The following COL24A1 variants were observed in gnomAD, a reference collection of about 807,000 sequenced individuals.
The protein encoded by COL24A1 is collagen alpha-1(XXIV) chain.
A neutral mutation model predicts 253.9 loss-of-function variants in COL24A1; 224 were observed. The observed-to-expected ratio is 0.88, with a 90% CI of 0.79 to 0.99. The LOEUF (loss-of-function observed/expected upper bound fraction) is 0.99, where lower values mean the gene tolerates loss of function less well. COL24A1 is among the 50% of genes least tolerant of loss of function. COL24A1 has a pLI of 0.00. For synonymous variants in COL24A1, 685 were observed against 673.7 expected (o/e 1.02, Z -0.26); for missense variants, 2,131 against 2,068.5 (o/e 1.03, Z -0.59).
chr1:85,878,953 A>T (rs1293710027), intron 32 of COL24A1, among the ~76,000 whole-genome samples: 1 of 150,976 alleles, frequency 6.6e-6, no homozygotes, highest in Non-Finnish European at 1.5e-5. Flanking sequence ...TTGAGTTTTA[A>T]TTTTTTTTTC....
At chr1:86,012,298 T>C (rs1696571063) in intron 19 of COL24A1, among the ~76,000 whole-genome samples, 1 of 152,144 alleles carries the variant, frequency 6.6e-6, no homozygotes, top group African/African-American at 2.4e-5. Flanking sequence ...CCTTAAATCA[T>C]TGCCCTACTG....
At chr1:85,773,757 A>C (rs1306342754) in intron 53 of COL24A1, among the ~76,000 whole-genome samples, 1 of 152,176 alleles carries the variant, frequency 6.6e-6, no homozygotes, top group African/African-American at 2.4e-5. Flanking sequence ...TTATCAGCTT[A>C]AGGAGATTTG....
chr1:86,134,155 C>A (rs1649811650), intron 2 of COL24A1, among the ~76,000 whole-genome samples: 1 of 151,552 alleles, frequency 6.6e-6, no homozygotes, highest in Non-Finnish European at 1.5e-5. Flanking sequence ...TTATAGTATT[C>A]TCTGATGGTA....
At chr1:86,071,014 AAAT>A (rs1701837726) in intron 7 of COL24A1, among the ~76,000 whole-genome samples, 1 of 152,184 alleles carries the variant, frequency 6.6e-6, no homozygotes, top group African/African-American at 2.4e-5. Flanking sequence ...AACCAATAAA[AAAT>A]AATAACTACA....
chr1:86,089,141 G>GA, intron 7 of COL24A1, 33 bp downstream of exon 7: 1 of 1,434,304 alleles, frequency 7.0e-7, no homozygotes, highest in Admixed American at 2.4e-5. Context: ...AAAAAAAGAA[G>GA]AAAAAAAGAA....
chr1:85,832,094 A>G (rs1028875492), intron 43 of COL24A1, among the ~76,000 whole-genome samples: 19 of 151,966 alleles, frequency 1.3e-4, no homozygotes, highest in African/African-American at 4.3e-4. Context: ...ATCTTGAATT[A>G]ATTTTTGTAT....
At chr1:85,755,006 A>G (rs550515581) in intron 55 of COL24A1, among the ~76,000 whole-genome samples, 76 of 152,314 alleles carry the variant, frequency 5.0e-4, no homozygotes, top group Middle Eastern at 6.8e-3. Flanking sequence ...GACACATCAT[A>G]ATCAAACTAT....
chr1:86,134,946 G>A (rs1283884664), intron 2 of COL24A1, among the ~76,000 whole-genome samples: 2 of 151,320 alleles, frequency 1.3e-5, no homozygotes, highest in African/African-American at 2.4e-5. Context: ...GCTGACATTG[G>A]GGTGTTAAAG....
At chr1:86,151,124 T>C (rs1415268752) in intron 1 of COL24A1, among the ~76,000 whole-genome samples, 1 of 152,088 alleles carries the variant, frequency 6.6e-6, no homozygotes, top group African/African-American at 2.4e-5. Context: ...CATACATATA[T>C]ATAAAGCGTT....
chr1:85,736,033 C>A, intron 58 of COL24A1: 1 of 224,534 alleles, frequency 4.5e-6, no homozygotes, highest in Non-Finnish European at 9.1e-6. Context: ...GAGTCAGAAA[C>A]TTGCAAACAA....
chr1:86,074,427 C>T (rs966212139), intron 7 of COL24A1, among the ~76,000 whole-genome samples: 1 of 152,118 alleles, frequency 6.6e-6, no homozygotes, highest in East Asian at 1.9e-4. Context: ...TATACATGCA[C>T]CCAATACAGG....
intron 7 of COL24A1, 36 bp downstream of exon 7, chr1:86,089,138 G>GA (rs772200604): frequency 1.2e-5 from 18 of 1,519,226 alleles, no homozygotes; most frequent in Non-Finnish European, 1.3e-5. Flanking sequence ...AAGAAAAAAA[G>GA]AAGAAAAAAA....
intron 5 of COL24A1, among the ~76,000 whole-genome samples, chr1:86,099,734 T>G (rs1175021277): frequency 1.3e-5 from 2 of 152,102 alleles, no homozygotes; most frequent in Non-Finnish European, 2.9e-5. Flanking sequence ...CATGCCATCA[T>G]CACAAATGGC....
chr1:85,814,872 A>T (rs1672904119), intron 47 of COL24A1, among the ~76,000 whole-genome samples: 1 of 152,168 alleles, frequency 6.6e-6, no homozygotes. Flanking sequence ...CATATATAGG[A>T]TACTGGTTTC....
chr1:85,838,001 T>C (rs530574009), intron 43 of COL24A1, among the ~76,000 whole-genome samples: 1 of 152,314 alleles, frequency 6.6e-6, no homozygotes, highest in East Asian at 1.9e-4. Context: ...AGCCTAATTT[T>C]AGCTAAGTTG....
At chr1:86,045,489 G>T (rs1368702560) in intron 12 of COL24A1, among the ~76,000 whole-genome samples, 2 of 152,018 alleles carry the variant, frequency 1.3e-5, no homozygotes, top group African/African-American at 2.4e-5. Context: ...TAGAATTTTA[G>T]ATTAGAAATT....
chr1:85,755,623 A>G (rs544155402), intron 55 of COL24A1, among the ~76,000 whole-genome samples: 43 of 152,280 alleles, frequency 2.8e-4, no homozygotes, highest in African/African-American at 9.4e-4. Context: ...CATTCAATGA[A>G]GAAAGGATGG....
intron 8 of COL24A1, among the ~76,000 whole-genome samples, chr1:86,060,150 C>T (rs189245556): frequency 7.9e-5 from 12 of 152,150 alleles, no homozygotes; most frequent in East Asian, 5.8e-4. Context: ...AAAACTGCTA[C>T]AGAACTGGGT....
chr1:86,131,455 T>G (rs1649175292), intron 2 of COL24A1, among the ~76,000 whole-genome samples: 1 of 152,056 alleles, frequency 6.6e-6, no homozygotes, highest in Non-Finnish European at 1.5e-5. Context: ...GTTGGTGTGC[T>G]GCACCCATTA....
Sources: allele counts gnomAD v4.1 joint callset (sites outside exome capture counted in the v4.1 genomes callset), GRCh38; gene constraint gnomAD v4.1.1; transcripts MANE v1.5; gene names NCBI Gene and HGNC (gene_info 2026-07-23, HGNC 2026-07-21).